EYA1: variants seen among roughly 807,000 people sequenced by gnomAD.
The protein encoded by EYA1 is EYA transcriptional coactivator and phosphatase 1, also known as protein phosphatase EYA1.
Under a neutral mutation model 82.0 loss-of-function variants are expected in EYA1, and 16 were observed. The observed-to-expected ratio is 0.20, with a 90% CI of 0.13 to 0.30. The LOEUF (loss-of-function observed/expected upper bound fraction) is 0.30, where lower values mean the gene tolerates loss of function less well. EYA1 is among the 10% of genes least tolerant of loss of function. The probability of loss-of-function intolerance (pLI) is 1.00; values close to 1 mark genes in which losing one functional copy is unlikely to be tolerated. For missense variants in EYA1, 633 were observed against 730.7 expected, an observed-to-expected ratio of 0.87 and a Z score of 1.54; for synonymous variants, 261 against 264.4, an observed-to-expected ratio of 0.99 and a Z score of 0.12.
intron 2 of EYA1, among the ~76,000 whole-genome samples, chr8:71,480,576 G>T (rs1482520133): frequency 6.6e-6 from 1 of 151,550 alleles, no homozygotes; most frequent in African/African-American, 2.4e-5. Flanking sequence ...AAAAAAAAAT[G>T]CTGGCACCTT....
At chr8:71,465,703 T>C (rs1278987811) in intron 2 of EYA1, among the ~76,000 whole-genome samples, 1 of 152,182 alleles carries the variant, frequency 6.6e-6, no homozygotes, top group Non-Finnish European at 1.5e-5. Context: ...TTAAAATACA[T>C]AAATTTATAT....
At chr8:71,458,837 G>C (rs1420756368) in intron 2 of EYA1, among the ~76,000 whole-genome samples, 2 of 152,160 alleles carry the variant, frequency 1.3e-5, no homozygotes, top group Non-Finnish European at 2.9e-5. Flanking sequence ...GAGGCAATTG[G>C]ATTCTGCATA....
At chr8:71,333,008 G>A (rs1474169309) in intron 4 of EYA1, among the ~76,000 whole-genome samples, 1 of 152,078 alleles carries the variant, frequency 6.6e-6, no homozygotes, top group Non-Finnish European at 1.5e-5. Context: ...TCCCTTCGTG[G>A]GTGTTCTTTG....
intron 2 of EYA1, among the ~76,000 whole-genome samples, chr8:71,518,824 T>C (rs755177185): frequency 9.9e-5 from 15 of 152,210 alleles, no homozygotes; most frequent in Non-Finnish European, 1.6e-4. Context: ...TGTTAGTATA[T>C]ACATTACTTT....
chr8:71,226,750 ATTTC>A (rs1418074693), intron 12 of EYA1, among the ~76,000 whole-genome samples: 2 of 151,294 alleles, frequency 1.3e-5, no homozygotes, highest in Non-Finnish European at 3.0e-5. Context: ...ATACTTGTAA[ATTTC>A]TTTGCTTTTT....
chr8:71,209,389 G>A (rs575619693), intron 17 of EYA1, among the ~76,000 whole-genome samples: 74 of 152,326 alleles, frequency 4.9e-4, no homozygotes, highest in Admixed American at 3.3e-3. Context: ...TGCTTAAATG[G>A]CAAATGCTGC....
At chr8:71,396,714 T>G (rs757069179) in intron 2 of EYA1, among the ~76,000 whole-genome samples, 1 of 152,182 alleles carries the variant, frequency 6.6e-6, no homozygotes, top group Admixed American at 6.5e-5. Flanking sequence ...CTTCCAACTA[T>G]GTGGTCAATT....
intron 11 of EYA1, among the ~76,000 whole-genome samples, chr8:71,269,183 C>T (rs541436461): frequency 4.9e-4 from 74 of 152,276 alleles, no homozygotes; most frequent in African/African-American, 1.8e-3. Flanking sequence ...TATTCTTTAT[C>T]TATAATACCA....
intron 2 of EYA1, among the ~76,000 whole-genome samples, chr8:71,485,945 C>A (rs1313052791): frequency 1.3e-5 from 2 of 152,090 alleles, no homozygotes; most frequent in African/African-American, 4.8e-5. Context: ...ATAGCTTTTG[C>A]CAAATGCAAA....
In EYA1 at chr8:71,356,472, A is replaced by G. The variant is rs1158188499; in HGVS notation, c.-15T>C. 1.3e-6 allele frequency: 2 copies of G among 1,585,156 alleles called. No homozygotes were observed. Among genetic ancestry groups the G allele is most frequent in the African/African-American group, 2.7e-5 (2 of 74,470 alleles). ...CAACAATATCCTTACCTGCAACTTG[A>G]GGAAACAGCAACATCTGAACTGGCT... On this transcript the variant is annotated 5_prime_UTR_variant, in exon 2 of 18. Coordinates refer to ENST00000340726, the MANE Select transcript of EYA1 (RefSeq NM_000503.6).
At chr8:71,517,401 G>T (rs1419922139) in intron 2 of EYA1, among the ~76,000 whole-genome samples, 2 of 151,592 alleles carry the variant, frequency 1.3e-5, no homozygotes, top group South Asian at 2.1e-4. Context: ...AATGCATCCT[G>T]CCCTCACTAA....
intron 11 of EYA1, among the ~76,000 whole-genome samples, chr8:71,262,655 A>C (rs1010225791): frequency 6.6e-6 from 1 of 152,166 alleles, no homozygotes; most frequent in Non-Finnish European, 1.5e-5. Flanking sequence ...TTTTATATTC[A>C]TGAACAAGAA....
intron 2 of EYA1, among the ~76,000 whole-genome samples, chr8:71,444,551 A>G (rs1806702438): frequency 6.6e-6 from 1 of 152,194 alleles, no homozygotes; most frequent in African/African-American, 2.4e-5. Flanking sequence ...TTAAGATGTA[A>G]GGACAGGAGA....
intron 9 of EYA1, among the ~76,000 whole-genome samples, chr8:71,281,058 A>C (rs1460504840): frequency 1.3e-5 from 2 of 152,222 alleles, no homozygotes; most frequent in Non-Finnish European, 2.9e-5. Context: ...TGCCCAGTGA[A>C]AAACTCCATT....
chr8:71,448,896 C>A, intron 2 of EYA1: 2 of 169,426 alleles, frequency 1.2e-5, no homozygotes, highest in South Asian at 3.6e-4. Flanking sequence ...AAAATGGATT[C>A]ATTGCAAACT....
chr8:71,232,543 T>C (rs146319115), intron 12 of EYA1, among the ~76,000 whole-genome samples: 16 of 152,348 alleles, frequency 1.1e-4, no homozygotes, highest in Admixed American at 3.3e-4. Context: ...AGTAGCTACT[T>C]AACTGCCAAC....
intron 12 of EYA1, among the ~76,000 whole-genome samples, chr8:71,237,831 A>C (rs1479970880): frequency 6.6e-6 from 1 of 152,192 alleles, no homozygotes; most frequent in Admixed American, 6.5e-5. Context: ...AGTTTTTAAA[A>C]ATTAACTTTT....
At chr8:71,459,289 A>G (rs181653325) in intron 2 of EYA1, among the ~76,000 whole-genome samples, 3 of 152,296 alleles carry the variant, frequency 2.0e-5, no homozygotes, top group African/African-American at 7.2e-5. Flanking sequence ...TCTCACTTCC[A>G]TAACTTTAAT....
intron 12 of EYA1, among the ~76,000 whole-genome samples, chr8:71,226,571 A>C (rs192121740): frequency 2.0e-5 from 3 of 150,926 alleles, no homozygotes; most frequent in African/African-American, 7.3e-5. Context: ...ATTGAAAATA[A>C]ACTTTTAAAC....
Sources: allele counts gnomAD v4.1 joint callset (sites outside exome capture counted in the v4.1 genomes callset), GRCh38; gene constraint gnomAD v4.1.1; transcripts MANE v1.5; gene names NCBI Gene and HGNC (gene_info 2026-07-23, HGNC 2026-07-21).